The following KCNH7 variants were observed in gnomAD, a reference collection of about 807,000 sequenced individuals.
The protein encoded by KCNH7 is potassium voltage-gated channel subfamily H member 7.
In KCNH7, 49 loss-of-function variants were observed where a neutral mutation model predicts 120.8. The observed-to-expected ratio is 0.41, with a 90% CI of 0.32 to 0.51. KCNH7 has a LOEUF of 0.51. KCNH7 is among the 20% of genes least tolerant of loss of function. The pLI is 0.38. For missense variants in KCNH7, 1,097 were observed against 1,446.6 expected (o/e 0.76, Z 3.92); for synonymous variants, 547 against 516.1 (o/e 1.06, Z -0.81).
intron 2 of KCNH7, chr2:162,796,469 A>T (rs1222071261): frequency 6.6e-6 from 1 of 152,116 alleles, no homozygotes. Context: ...GCCTCAGGTA[A>T]GCTTAGTGTG....
intron 2 of KCNH7, among the ~76,000 whole-genome samples, chr2:162,777,172 G>A (rs1683272207): frequency 6.6e-6 from 1 of 152,056 alleles, no homozygotes; most frequent in South Asian, 2.1e-4. Context: ...ACATAACTCG[G>A]TATCCATGGA....
chr2:162,686,027 AGTCAACCAG>A (rs1685878678), intron 2 of KCNH7, among the ~76,000 whole-genome samples: 2 of 152,094 alleles, frequency 1.3e-5, no homozygotes, highest in Non-Finnish European at 2.9e-5. Context: ...TAATGGAATA[AGTCAACCAG>A]GTCAAGGGGA....
intron 2 of KCNH7, among the ~76,000 whole-genome samples, chr2:162,711,918 G>A (rs1262392745): frequency 6.6e-6 from 1 of 152,038 alleles, no homozygotes; most frequent in Non-Finnish European, 1.5e-5. Flanking sequence ...GATATGAAAG[G>A]ATAAAGAGGG....
intron 2 of KCNH7, among the ~76,000 whole-genome samples, chr2:162,733,075 G>A (rs1687780995): frequency 6.6e-6 from 1 of 152,128 alleles, no homozygotes; most frequent in Non-Finnish European, 1.5e-5. Context: ...ACTACACATG[G>A]TATTAGAGCT....
chr2:162,818,210 T>G (rs1684983354), intron 2 of KCNH7, among the ~76,000 whole-genome samples: 1 of 152,030 alleles, frequency 6.6e-6, no homozygotes, highest in African/African-American at 2.4e-5. Flanking sequence ...AAGATATTTT[T>G]GTTTATATCT....
At chr2:162,776,554 G>A (rs748883570) in intron 2 of KCNH7, among the ~76,000 whole-genome samples, 3 of 152,072 alleles carry the variant, frequency 2.0e-5, no homozygotes, top group Admixed American at 1.3e-4. Context: ...GAAAGAGAAG[G>A]AGAGAAAGGA....
intron 2 of KCNH7, among the ~76,000 whole-genome samples, chr2:162,670,915 A>G (rs1685329272): frequency 6.6e-6 from 1 of 152,054 alleles, no homozygotes. Context: ...AAAGTAAAAG[A>G]GTATACAAAA....
chr2:162,813,182 G>C (rs1339520576), intron 2 of KCNH7, among the ~76,000 whole-genome samples: 1 of 152,138 alleles, frequency 6.6e-6, no homozygotes, highest in Non-Finnish European at 1.5e-5. Flanking sequence ...GTCAGAAAAT[G>C]TGTGTGTCTA....
chr2:162,701,017 G>A (rs1255488034), intron 2 of KCNH7, among the ~76,000 whole-genome samples: 3 of 152,144 alleles, frequency 2.0e-5, no homozygotes, highest in Middle Eastern at 3.2e-3. Context: ...GAAACAGACA[G>A]TTTTTCACAT....
At chr2:162,577,110 G>C (rs1191281003) in intron 2 of KCNH7, among the ~76,000 whole-genome samples, 1 of 151,556 alleles carries the variant, frequency 6.6e-6, no homozygotes, top group African/African-American at 2.4e-5. Context: ...TGTAGAAATT[G>C]GGTCTTGCTC....
intron 6 of KCNH7, among the ~76,000 whole-genome samples, chr2:162,454,232 G>A (rs1479228358): frequency 6.6e-6 from 1 of 150,672 alleles, no homozygotes; most frequent in East Asian, 2.0e-4. Flanking sequence ...CATTGCTTTG[G>A]TCAGGTTTGT....
rs184397782 is a variant in KCNH7 at position 162,838,551 on chromosome 2, G to A, written c.-33C>T. The A allele has an allele frequency of 2.6e-6, 4 of 1,567,066 alleles. No homozygotes were observed. The highest frequency in any genetic ancestry group is 3.3e-5 in the Admixed American group (2 of 59,752). On this transcript the variant is annotated 5_prime_UTR_variant, in exon 1 of 16. Coordinates refer to ENST00000332142, the MANE Select transcript of KCNH7 (RefSeq NM_033272.4). ...CCGGTCTTCCGAGGAGCGCTCCCCC[G>A]GAGCTCTGGAGTTCTCCCGGGATCT...
intron 2 of KCNH7, among the ~76,000 whole-genome samples, chr2:162,824,610 C>A (rs12611850): frequency 6.6e-6 from 1 of 151,876 alleles, no homozygotes; most frequent in Admixed American, 6.6e-5. Flanking sequence ...TCCCTACATT[C>A]ATTTCAATAC....
At chr2:162,490,179 T>C (rs1206283031) in intron 6 of KCNH7, among the ~76,000 whole-genome samples, 2 of 152,200 alleles carry the variant, frequency 1.3e-5, no homozygotes, top group African/African-American at 2.4e-5. Flanking sequence ...ACAAGGGAAT[T>C]TGCACAGGAA....
intron 2 of KCNH7, among the ~76,000 whole-genome samples, chr2:162,814,461 T>C (rs1684847224): frequency 6.6e-6 from 1 of 152,194 alleles, no homozygotes; most frequent in Non-Finnish European, 1.5e-5. Flanking sequence ...CCTCAAGTCT[T>C]CGCTTCTACT....
chr2:162,500,969 A>T, intron 6 of KCNH7, among the ~76,000 whole-genome samples: 1 of 152,250 alleles, frequency 6.6e-6, no homozygotes, highest in East Asian at 1.9e-4. Context: ...TACAAAATGA[A>T]GTATGTAATC....
rs537601670 is a variant in KCNH7, at chr2:162,676,919, C to T, written c.308-139839G>A. 1.4e-3 allele frequency among the ~76,000 whole-genome samples: 217 copies of T among 151,044 alleles called. 1 individual carries two copies. The highest frequency in any genetic ancestry group is 2.7e-3 in the Non-Finnish European group (181 of 67,442). ...TATGAGTTTACAAGGATATCATTTACGAAAAAAATTTGCTAACTTAGCTTA... is the reference window on the plus strand; with the variant it reads ...TATGAGTTTACAAGGATATCATTTATGAAAAAAATTTGCTAACTTAGCTTA... On this transcript the variant is annotated intron_variant, in intron 2 of 15. Coordinates refer to ENST00000332142, the MANE Select transcript of KCNH7 (RefSeq NM_033272.4).
At chr2:162,749,374 A>G (rs910579004) in intron 2 of KCNH7, among the ~76,000 whole-genome samples, 3 of 152,178 alleles carry the variant, frequency 2.0e-5, no homozygotes, top group African/African-American at 7.2e-5. Context: ...GCGCAAATTA[A>G]ATATTAGATA....
At chr2:162,679,021 T>G (rs1405077610) in intron 2 of KCNH7, among the ~76,000 whole-genome samples, 1 of 151,638 alleles carries the variant, frequency 6.6e-6, no homozygotes, top group African/African-American at 2.4e-5. Flanking sequence ...CTTTCAGAAA[T>G]GTACTTTAAT....
Sources: allele counts gnomAD v4.1 joint callset (sites outside exome capture counted in the v4.1 genomes callset), GRCh38; gene constraint gnomAD v4.1.1; transcripts MANE v1.5; gene names NCBI Gene and HGNC (gene_info 2026-07-23, HGNC 2026-07-21).